RNGTT: variants seen among roughly 807,000 people sequenced by gnomAD.
The protein encoded by RNGTT is mRNA-capping enzyme.
RNGTT carries 33 observed loss-of-function variants against 79.3 expected under a neutral mutation model. The ratio of observed to expected loss-of-function variants is 0.42; its 90% CI spans 0.32 to 0.56. The LOEUF is 0.56. RNGTT is among the 20% of genes least tolerant of loss of function. The probability of loss-of-function intolerance (pLI) is 0.17; values close to 1 mark genes in which losing one functional copy is unlikely to be tolerated. For missense variants in RNGTT, 497 were observed against 739.1 expected (o/e 0.67, Z 3.80); for synonymous variants, 222 against 235.9 (o/e 0.94, Z 0.54).
intron 14 of RNGTT, among the ~76,000 whole-genome samples, chr6:88,674,708 G>A (rs540419810): frequency 2.6e-5 from 4 of 151,696 alleles, no homozygotes; most frequent in Non-Finnish European, 4.4e-5. Flanking sequence ...ACTCTCAAAC[G>A]GATAGAAGAA....
chr6:88,633,345 C>T (rs1000791907), intron 14 of RNGTT, among the ~76,000 whole-genome samples: 1 of 152,082 alleles, frequency 6.6e-6, no homozygotes, highest in African/African-American at 2.4e-5. Flanking sequence ...TGGCTTTCAT[C>T]CTTGGACCAG....
chr6:88,657,404 G>C (rs1462602316), intron 14 of RNGTT, among the ~76,000 whole-genome samples: 2 of 152,216 alleles, frequency 1.3e-5, no homozygotes, highest in Non-Finnish European at 2.9e-5. Flanking sequence ...GGAAGCCATT[G>C]TTAGCCTTAT....
At chr6:88,828,109 A>G (rs1435977061) in intron 11 of RNGTT, among the ~76,000 whole-genome samples, 2 of 152,178 alleles carry the variant, frequency 1.3e-5, no homozygotes, top group Non-Finnish European at 2.9e-5. Flanking sequence ...GAGACCTCCC[A>G]GCAGGGGTCA....
At chr6:88,653,727 GA>G (rs1162727221) in intron 14 of RNGTT, among the ~76,000 whole-genome samples, 1 of 152,036 alleles carries the variant, frequency 6.6e-6, no homozygotes, top group Non-Finnish European at 1.5e-5. Context: ...AAAAACAACA[GA>G]AAACAAAAAA....
chr6:88,659,445 GA>G (rs1774100341), intron 14 of RNGTT, among the ~76,000 whole-genome samples: 1 of 152,014 alleles, frequency 6.6e-6, no homozygotes, highest in Non-Finnish European at 1.5e-5. Flanking sequence ...GTACCACAAA[GA>G]AAGGACAATT....
intron 13 of RNGTT, among the ~76,000 whole-genome samples, chr6:88,690,265 T>TG (rs1775431267): frequency 6.6e-6 from 1 of 152,182 alleles, no homozygotes; most frequent in Admixed American, 6.5e-5. Flanking sequence ...TTGATAGCAT[T>TG]GTACCAATGT....
intron 14 of RNGTT, among the ~76,000 whole-genome samples, chr6:88,638,374 T>G (rs1004712484): frequency 6.6e-6 from 1 of 152,170 alleles, no homozygotes; most frequent in Non-Finnish European, 1.5e-5. Flanking sequence ...AATTAATTCA[T>G]GCCTCATCCC....
chr6:88,871,773 C>G (rs1782363480), intron 8 of RNGTT, among the ~76,000 whole-genome samples: 1 of 152,052 alleles, frequency 6.6e-6, no homozygotes, highest in South Asian at 2.1e-4. Flanking sequence ...GCAGAAACTT[C>G]CGGGAATTAA....
At chr6:88,724,441 G>C (rs898896557) in intron 13 of RNGTT, among the ~76,000 whole-genome samples, 10 of 152,240 alleles carry the variant, frequency 6.6e-5, no homozygotes, top group Middle Eastern at 3.4e-3. Flanking sequence ...TTGTAGCCTA[G>C]GAGCAATCCG....
At chr6:88,658,026 G>A (rs1044303482) in intron 14 of RNGTT, among the ~76,000 whole-genome samples, 13 of 152,096 alleles carry the variant, frequency 8.5e-5, no homozygotes, top group Admixed American at 2.6e-4. Context: ...ATGACCCCGC[G>A]ATCACCTGAG....
chr6:88,741,140 G>A (rs1724059188), intron 13 of RNGTT, among the ~76,000 whole-genome samples: 1 of 152,108 alleles, frequency 6.6e-6, no homozygotes, highest in Admixed American at 6.6e-5. Context: ...AAAGACACAT[G>A]CACTCACTTG....
chr6:88,806,337 A>C lies in RNGTT; in HGVS notation c.1270-4705T>G, dbSNP rs1182123349. 4.9e-5 allele frequency among the ~76,000 whole-genome samples: 6 copies of C among 123,386 alleles called. No individual in the cohort carries two copies. The South Asian group carries it at 1.3e-3, about 26-fold the overall frequency. 80.9% of individuals were successfully genotyped at this position (123,386 alleles called of 152,430 possible). ...AACACGCTTTTTTTTTTTTTTTTTG[A>C]GATGGAGTCTCACTCTGTCGCCCAG... On this transcript the variant is annotated intron_variant, in intron 11 of 15. Transcript: ENST00000369485.
At chr6:88,794,804 A>C (rs1779539719) in intron 12 of RNGTT, among the ~76,000 whole-genome samples, 1 of 152,206 alleles carries the variant, frequency 6.6e-6, no homozygotes, top group Non-Finnish European at 1.5e-5. Context: ...ACAATTTTTC[A>C]AGAGAAAAGA....
At chr6:88,846,827 A>C (rs1046066175) in intron 10 of RNGTT, among the ~76,000 whole-genome samples, 3 of 152,064 alleles carry the variant, frequency 2.0e-5, no homozygotes, top group African/African-American at 7.2e-5. Flanking sequence ...CAATCCTTCA[A>C]AACTAATTTG....
At chr6:88,616,538 G>A (rs1772228789) in intron 14 of RNGTT, among the ~76,000 whole-genome samples, 1 of 151,226 alleles carries the variant, frequency 6.6e-6, no homozygotes, top group African/African-American at 2.4e-5. Flanking sequence ...AAAAATTGAC[G>A]CCCATTGTTT....
At chr6:88,693,857 A>T (rs904233699) in intron 13 of RNGTT, among the ~76,000 whole-genome samples, 1 of 152,212 alleles carries the variant, frequency 6.6e-6, no homozygotes, top group Non-Finnish European at 1.5e-5. Flanking sequence ...AACTCAAGTG[A>T]TCATCTCATT....
intron 6 of RNGTT, among the ~76,000 whole-genome samples, chr6:88,899,583 A>G (rs983219478): frequency 5.9e-5 from 9 of 152,166 alleles, no homozygotes; most frequent in African/African-American, 2.2e-4. Context: ...CAGCCTAATT[A>G]GACTAACTTT....
At chr6:88,660,540 C>G (rs765849137) in intron 14 of RNGTT, among the ~76,000 whole-genome samples, 1 of 104,530 alleles carries the variant, frequency 9.6e-6, no homozygotes, top group South Asian at 2.8e-4. Flanking sequence ...GACTTTAAAG[C>G]AACAATGGTA....
chr6:88,704,663 A>T lies in RNGTT; in HGVS notation c.1440-26244T>A, dbSNP rs143351669. Among the ~76,000 whole-genome samples, 34 of 152,328 alleles carry T rather than the reference A, an allele frequency of 2.2e-4. No homozygotes were observed. The East Asian group carries it at 6.4e-3, about 28-fold the overall frequency. On this transcript the variant is annotated intron_variant, in intron 13 of 15. Transcript: ENST00000369485. ...TTGGTTAAGGATAATCTCCCAGAACATAATCAAATCTAAGTGATAAAATCA... is the reference window on the plus strand; with the variant it reads ...TTGGTTAAGGATAATCTCCCAGAACTTAATCAAATCTAAGTGATAAAATCA...
Sources: gnomAD v4.1 joint callset for allele counts (sites outside exome capture counted in the v4.1 genomes callset) on GRCh38, gnomAD v4.1.1 for gene constraint, MANE v1.5 for transcripts, NCBI Gene and HGNC (gene_info 2026-07-23, HGNC 2026-07-21) for gene names.